KCNMA1: variants seen among roughly 807,000 people sequenced by gnomAD.
The protein encoded by KCNMA1 is potassium calcium-activated channel subfamily M alpha 1.
A neutral mutation model predicts 140.0 loss-of-function variants in KCNMA1; 29 were observed. The ratio of observed to expected loss-of-function variants is 0.21; its 90% CI spans 0.15 to 0.28. KCNMA1 has a LOEUF of 0.28. Ranked by LOEUF, KCNMA1 falls within the 10% of genes least tolerant of loss-of-function variation. The probability of loss-of-function intolerance (pLI) is 1.00; values close to 1 mark genes in which losing one functional copy is unlikely to be tolerated. For missense variants in KCNMA1, 880 were observed against 1,602.2 expected, an observed-to-expected ratio of 0.55 and a Z score of 7.70; for synonymous variants, 612 against 611.9, an observed-to-expected ratio of 1.00 and a Z score of 0.00.
chr10:77,586,228 C>T (rs1386277838), intron 1 of KCNMA1: 1 of 152,188 alleles, frequency 6.6e-6, no homozygotes, highest in Non-Finnish European at 1.5e-5. Context: ...AGTTGTAACA[C>T]AGGATCACAT....
At chr10:77,045,423 C>T (rs776350019) in intron 14 of KCNMA1, among the ~76,000 whole-genome samples, 5 of 152,330 alleles carry the variant, frequency 3.3e-5, no homozygotes, top group South Asian at 4.1e-4. Context: ...CAAATACACA[C>T]GGGATCATCA....
chr10:77,403,360 T>C, intron 2 of KCNMA1, among the ~76,000 whole-genome samples: 1 of 151,998 alleles, frequency 6.6e-6, no homozygotes. Flanking sequence ...GACTGATTTC[T>C]ACCGTGCACA....
At chr10:77,130,674 AG>A (rs1266288345) in intron 5 of KCNMA1, among the ~76,000 whole-genome samples, 1 of 152,154 alleles carries the variant, frequency 6.6e-6, no homozygotes. Flanking sequence ...ACAAATGTTG[AG>A]GGGGTAGGAA....
chr10:77,132,065 C>T (rs947050004), intron 5 of KCNMA1, among the ~76,000 whole-genome samples: 11 of 151,424 alleles, frequency 7.3e-5, no homozygotes, highest in East Asian at 1.9e-4. Flanking sequence ...GCACATATTA[C>T]ACTTCAGGCC....
intron 9 of KCNMA1, among the ~76,000 whole-genome samples, chr10:77,092,866 A>G (rs1460075816): frequency 3.3e-5 from 5 of 152,218 alleles, no homozygotes; most frequent in Non-Finnish European, 7.3e-5. Flanking sequence ...ATTCATCCCT[A>G]GGAAAGATGT....
chr10:77,363,615 C>A (rs549736611), intron 2 of KCNMA1, among the ~76,000 whole-genome samples: 14 of 152,230 alleles, frequency 9.2e-5, no homozygotes, highest in Non-Finnish European at 2.1e-4. Context: ...GCACACAAAG[C>A]CCACATGCTC....
intron 1 of KCNMA1, among the ~76,000 whole-genome samples, chr10:77,577,105 T>C (rs1317266175): frequency 6.8e-6 from 1 of 146,038 alleles, no homozygotes; most frequent in Non-Finnish European, 1.6e-5. Context: ...CTCTCTTTTT[T>C]TTTCTTTCCT....
chr10:77,134,953 A>G lies in KCNMA1; in HGVS notation c.809-13905T>C, dbSNP rs1408007383. On this transcript the variant is annotated intron_variant, in intron 5 of 27. Transcript: ENST00000286628. ...GTGGAGATTGCAGTGAGCTGAGATC[A>G]TGCCACCGCACTCCAGCCTGGGAGA... Among the ~76,000 whole-genome samples, 25 of 127,706 alleles carry G rather than the reference A, an allele frequency of 2.0e-4. No individual in the cohort carries two copies. The Admixed American group carries it at 2.3e-3, about 12-fold the overall frequency. The allele number at this position is 127,706 out of a possible 152,430, so 83.8% of individuals were successfully genotyped here. A position where few individuals can be genotyped will look rare whatever the true frequency, so the allele number is the denominator to read the frequency against.
At chr10:77,620,206 C>T (rs2090948761) in intron 1 of KCNMA1, among the ~76,000 whole-genome samples, 1 of 152,150 alleles carries the variant, frequency 6.6e-6, no homozygotes, top group Admixed American at 6.5e-5. Context: ...GGCAGAAAGG[C>T]CAGTTATGCA....
At chr10:76,902,447 T>C (rs2152203848) in intron 25 of KCNMA1, 1 of 152,420 alleles carries the variant, frequency 6.6e-6, no homozygotes, top group Admixed American at 6.5e-5. Context: ...CTGGCAGGGT[T>C]AGTCTTCAGG....
At chr10:77,471,142 A>G (rs1375843027) in intron 1 of KCNMA1, among the ~76,000 whole-genome samples, 4 of 56,664 alleles carry the variant, frequency 7.1e-5, no homozygotes, top group Admixed American at 4.5e-4. Context: ...CACCACACAC[A>G]TAACAACTCA....
At chr10:77,030,733 T>G (rs1005329483) in intron 15 of KCNMA1, among the ~76,000 whole-genome samples, 1 of 152,220 alleles carries the variant, frequency 6.6e-6, no homozygotes, top group East Asian at 1.9e-4. Context: ...CTAAGGTCTA[T>G]GTGGCCTTGT....
At chr10:77,068,923 C>A (rs2096071246) in intron 14 of KCNMA1, among the ~76,000 whole-genome samples, 2 of 149,448 alleles carry the variant, frequency 1.3e-5, no homozygotes, top group African/African-American at 4.9e-5. Context: ...GCAAAGACAG[C>A]TAATCCTAGT....
chr10:77,307,312 C>T (rs183627984), intron 2 of KCNMA1, among the ~76,000 whole-genome samples: 16 of 152,322 alleles, frequency 1.1e-4, no homozygotes, highest in African/African-American at 3.8e-4. Flanking sequence ...CCCCAACTTA[C>T]AATGGCTCAA....
intron 2 of KCNMA1, among the ~76,000 whole-genome samples, chr10:77,324,832 G>A (rs1350565542): frequency 6.6e-6 from 1 of 152,040 alleles, no homozygotes; most frequent in Non-Finnish European, 1.5e-5. Flanking sequence ...GGAATACAGG[G>A]GTCCCCTTTC....
At position 77,620,604 on chromosome 10, in the gene KCNMA1, G is replaced by A. The variant is rs1244199280; in HGVS notation, c.378+16661C>T. ...GCACAGTGATCAGAAGTTAGGGAGA[G>A]CGCCTGTTGCAGAGGCTGGATTTGG... On this transcript the variant is annotated intron_variant, in intron 1 of 27. Coordinates refer to ENST00000286628, the MANE Select transcript of KCNMA1 (RefSeq NM_001161352.2). Among the ~76,000 whole-genome samples the A allele has an allele frequency of 4.6e-5, 7 of 152,304 alleles. No homozygotes were observed. The East Asian group carries it at 1.4e-3, about 29-fold the overall frequency.
At chr10:77,500,375 G>C (rs988696041) in intron 1 of KCNMA1, among the ~76,000 whole-genome samples, 3 of 152,194 alleles carry the variant, frequency 2.0e-5, no homozygotes, top group African/African-American at 7.2e-5. Flanking sequence ...CAAAAATCAA[G>C]TGAGGCTCAC....
At chr10:77,316,016 CAG>C (rs2080778205) in intron 2 of KCNMA1, among the ~76,000 whole-genome samples, 1 of 152,142 alleles carries the variant, frequency 6.6e-6, no homozygotes, top group South Asian at 2.1e-4. Flanking sequence ...AAAATATCTC[CAG>C]TGTGGGATTC....
At chr10:77,075,956 A>C (rs1054287598) in intron 13 of KCNMA1, among the ~76,000 whole-genome samples, 1 of 152,210 alleles carries the variant, frequency 6.6e-6, no homozygotes, top group African/African-American at 2.4e-5. Flanking sequence ...CAGGTCTGGC[A>C]GACCTGGCTG....
Sources: allele counts gnomAD v4.1 joint callset (sites outside exome capture counted in the v4.1 genomes callset), GRCh38; gene constraint gnomAD v4.1.1; transcripts MANE v1.5; gene names NCBI Gene and HGNC (gene_info 2026-07-23, HGNC 2026-07-21).